PCDHGA2: variants seen among roughly 807,000 people sequenced by gnomAD.
The protein encoded by PCDHGA2 is protocadherin gamma subfamily A, 2, also known as protocadherin gamma-A2.
In PCDHGA2, 40 loss-of-function variants were observed where a neutral mutation model predicts 59.2. The ratio of observed to expected loss-of-function variants is 0.68; its 90% CI spans 0.52 to 0.88. The LOEUF (loss-of-function observed/expected upper bound fraction) is 0.88. PCDHGA2 is among the 40% of genes least tolerant of loss of function. The pLI, the probability that PCDHGA2 is intolerant of heterozygous loss-of-function variation, is 0.00. For missense variants in PCDHGA2, 1,226 were observed against 1,204.0 expected, an observed-to-expected ratio of 1.02 and a Z score of -0.27; for synonymous variants, 560 against 526.0, an observed-to-expected ratio of 1.06 and a Z score of -0.89.
rs376057952 is a variant in PCDHGA2 at position 141,417,907 on chromosome 5, A to G, written c.2424+76512A>G. On this transcript the variant is annotated intron_variant, in intron 1 of 3. Transcript: ENST00000394576. Reference sequence around the variant, plus strand: ...GGCGCCGGGCCGGCCCGCGGCAGGTACTATTTCCTTTGCTGCTGCCTTTGT... The same window carrying G: ...GGCGCCGGGCCGGCCCGCGGCAGGTGCTATTTCCTTTGCTGCTGCCTTTGT... The G allele has an allele frequency of 3.6e-4, 571 of 1,596,132 alleles. 2 individuals are homozygous for G. In the African/African-American group the frequency reaches 5.1e-3, roughly 14 times the overall value.
intron 1 of PCDHGA2, chr5:141,419,816 C>A (rs910172118): frequency 7.4e-6 from 12 of 1,613,940 alleles, no homozygotes; most frequent in Non-Finnish European, 1.0e-5. Context: ...AGGACAGCCA[C>A]CCCTTTCAGC....
Position 141,431,706 on chromosome 5 carries a change from AG to A in PCDHGA2, c.2425-63100del. The A allele has an allele frequency of 6.2e-7, 1 of 1,614,248 alleles. No homozygotes were observed. The highest frequency in any genetic ancestry group is 8.5e-7 in the Non-Finnish European group (1 of 1,180,048). ...GACCACGAGGAGTCAGGATTCTACC[AG>A]ATGGAAGTGCAAGCAATGGATAATG... On this transcript the variant is annotated intron_variant, in intron 1 of 3. Coordinates refer to ENST00000394576, the MANE Select transcript of PCDHGA2 (RefSeq NM_018915.4). This position sits in a 1 kb window ranked among gnomAD's most constrained non-coding sequence, Gnocchi z 4.8.
chr5:141,403,210 C>T lies in PCDHGA2; in HGVS notation c.2424+61815C>T, dbSNP rs369033480. 123 of 1,613,946 alleles carry T rather than the reference C, an allele frequency of 7.6e-5. No homozygotes were observed. In the Middle Eastern group the frequency reaches 1.2e-3, roughly 15 times the overall value. On this transcript the variant is annotated intron_variant, in intron 1 of 3. Coordinates refer to ENST00000394576, the MANE Select transcript of PCDHGA2 (RefSeq NM_018915.4). Reference sequence around the variant, plus strand: ...ACCCGCGCAGCGGCACCTTGGTCACCGCGGGTAGGATAGACCGGGAGGAGC... The same window carrying T: ...ACCCGCGCAGCGGCACCTTGGTCACTGCGGGTAGGATAGACCGGGAGGAGC...
intron 1 of PCDHGA2, chr5:141,390,401 A>G (rs1471626291): frequency 2.3e-6 from 3 of 1,328,496 alleles, no homozygotes; most frequent in Admixed American, 2.3e-5. Flanking sequence ...TCATTTTAGG[A>G]AAGTTGTAGT....
intron 1 of PCDHGA2, chr5:141,478,480 G>T: frequency 2.5e-6 from 4 of 1,613,564 alleles, no homozygotes; most frequent in Non-Finnish European, 3.4e-6. Flanking sequence ...GCCAGAACAC[G>T]CTGCGGAGCT....
Position 141,477,209 on chromosome 5 carries a change from GC to G in PCDHGA2, c.2425-17594del. On this transcript the variant is annotated intron_variant, in intron 1 of 3. Transcript: ENST00000394576. The surrounding 1 kb of genome is among the most constrained non-coding windows in gnomAD (Gnocchi z 4.9). Reference sequence around the variant, plus strand: ...CGTGTACAGCCCAGTACCCGAGGATGCCCCTCTGGGGACTGTCATCGCTTTG... The same window carrying G: ...CGTGTACAGCCCAGTACCCGAGGATGCCCTCTGGGGACTGTCATCGCTTTG... The G allele has an allele frequency of 6.2e-7, 1 of 1,614,194 alleles. No homozygotes were observed. Among genetic ancestry groups the G allele is most frequent in the Non-Finnish European group, 8.5e-7 (1 of 1,180,038 alleles).
At chr5:141,371,576 C>T in intron 1 of PCDHGA2, 2 of 1,613,882 alleles carry the variant, frequency 1.2e-6, no homozygotes, top group Non-Finnish European at 1.7e-6. Flanking sequence ...CCTTTAAAAT[C>T]GTTCAAGATA....
Position 141,339,380 on chromosome 5 carries a change from G to A in PCDHGA2, c.409G>A (p.Glu137Lys), listed in dbSNP as rs1248809763. The change falls in exon 1 of 4, where the codon GAA becomes AAA. Residue 137 changes from glutamate (E) to lysine (K), a missense_variant. Transcript: ENST00000394576. ...TAATGCCCCTCGCTTTGGAGTAGAG[G>A]AACTGGAGCTAAAAATCAGTGAAAC... ...NDNAPRFGVE[E>K]LELKISETTT... 6.2e-7 allele frequency: 1 copy of A among 1,614,094 alleles called. No individual in the cohort carries two copies. Among genetic ancestry groups the A allele is most frequent in the Non-Finnish European group, 8.5e-7 (1 of 1,180,032 alleles).
intron 1 of PCDHGA2, chr5:141,345,696 C>A (rs1399194507): frequency 1.9e-6 from 3 of 1,614,108 alleles, no homozygotes. Context: ...CGTGCTGGAC[C>A]AGAACGACAA....
chr5:141,394,406 G>A (rs1359061127), intron 1 of PCDHGA2: 1 of 1,614,180 alleles, frequency 6.2e-7, no homozygotes, highest in South Asian at 1.1e-5. Flanking sequence ...TGCAGCTACT[G>A]GTAACAGCCA....
intron 1 of PCDHGA2, chr5:141,362,674 A>G (rs774822554): frequency 5.1e-5 from 63 of 1,246,738 alleles, no homozygotes; most frequent in Non-Finnish European, 5.8e-5. Context: ...TTGTGCCTTA[A>G]TTGTCTTAAT....
intron 2 of PCDHGA2, among the ~76,000 whole-genome samples, chr5:141,504,288 G>GT (rs1175142876): frequency 6.6e-6 from 1 of 152,124 alleles, no homozygotes; most frequent in African/African-American, 2.4e-5. Context: ...ATCATTTCAT[G>GT]TTTTTTCAAC....
In PCDHGA2 at chr5:141,351,738, A is replaced by G. The variant is rs1758802702; in HGVS notation, c.2424+10343A>G. 3.7e-6 allele frequency: 6 copies of G among 1,613,658 alleles called. No homozygotes were observed. The highest frequency in any genetic ancestry group is 4.2e-6 in the Non-Finnish European group (5 of 1,179,894). ...TACTCTATTCTGGCCAGTGACCTGG[A>G]GCCGCGGGAGCTGTTGTCCTACGTG... On this transcript the variant is annotated intron_variant, in intron 1 of 3. Transcript: ENST00000394576.
At chr5:141,421,434 C>T (rs1247535353) in intron 1 of PCDHGA2, 1 of 1,613,980 alleles carries the variant, frequency 6.2e-7, no homozygotes, top group Non-Finnish European at 8.5e-7. Context: ...GCATCGTCTC[C>T]AGAGGGAAGA....
At position 141,485,811 on chromosome 5, in the gene PCDHGA2, C is replaced by T; in HGVS notation, c.2425-8996C>T. 6.2e-7 allele frequency: 1 copy of T among 1,614,220 alleles called. No homozygotes were observed. The highest frequency in any genetic ancestry group is 8.5e-7 in the Non-Finnish European group (1 of 1,180,028). ...CAATCGGACTACCGCCTGGTGCTGA[C>T]TGCTGTCGATGGAGGGAACCCGCCG... On this transcript the variant is annotated intron_variant, in intron 1 of 3. Transcript: ENST00000394576. This position sits in a 1 kb window ranked among gnomAD's most constrained non-coding sequence, Gnocchi z 5.7.
intron 3 of PCDHGA2, 96 bp downstream of exon 3, chr5:141,505,577 G>C: frequency 2.5e-6 from 4 of 1,589,854 alleles, no homozygotes; most frequent in Non-Finnish European, 3.4e-6. Flanking sequence ...TGTCAAACCT[G>C]TGTAGTTTCT....
chr5:141,340,663 C>T lies in PCDHGA2; in HGVS notation c.1692C>T (p.Tyr564=). ...ACGACAACGCGCCCGAGATCCTGTA[C>T]CCTGCCTTCCCCACAGACGGTTCCA... The part of the protein sequence containing the change: ...DQNDNAPEIL[Y]PAFPTDGSTG... Residue 564 remains tyrosine, a synonymous_variant, in exon 1 of 4, where the codon TAC becomes TAT. Coordinates refer to ENST00000394576, the MANE Select transcript of PCDHGA2 (RefSeq NM_018915.4). The T allele has an allele frequency of 3.7e-6, 6 of 1,614,234 alleles. No homozygotes were observed. The highest frequency in any genetic ancestry group is 5.1e-6 in the Non-Finnish European group (6 of 1,180,040).
intron 1 of PCDHGA2, chr5:141,423,311 T>G: frequency 2.5e-6 from 4 of 1,614,134 alleles, no homozygotes; most frequent in Non-Finnish European, 3.4e-6. Flanking sequence ...CTGTACTTGG[T>G]GGTGGCGGTG....
At position 141,358,718 on chromosome 5, in the gene PCDHGA2, G is replaced by A. The variant is rs546163361; in HGVS notation, c.2424+17323G>A. Among the ~76,000 whole-genome samples, 15 of 152,266 alleles carry A rather than the reference G, an allele frequency of 9.9e-5. No individual in the cohort carries two copies. In the South Asian group the frequency reaches 3.1e-3, roughly 32 times the overall value. On this transcript the variant is annotated intron_variant, in intron 1 of 3. Transcript: ENST00000394576. ...CTATTGAGACTTTCTTGATTTCCAA[G>A]GAAAATATAAGTTTTTGGAGTCTTT...
Sources: gnomAD v4.1 joint callset for allele counts (sites outside exome capture counted in the v4.1 genomes callset) on GRCh38, gnomAD v4.1.1 for gene constraint, Gnocchi (gnomAD v3.1) non-coding constraint, MANE v1.5 for transcripts, NCBI Gene and HGNC (gene_info 2026-07-23, HGNC 2026-07-21) for gene names.